The following GDPD1 variants were observed in gnomAD, a reference collection of about 807,000 sequenced individuals.
GDPD1 encodes lysophospholipase D GDPD1.
A neutral mutation model predicts 45.1 loss-of-function variants in GDPD1; 28 were observed. That is an observed-to-expected ratio of 0.62 (90% confidence interval 0.46 to 0.85). GDPD1 has a LOEUF of 0.85. Ranked by LOEUF, GDPD1 falls within the 40% of genes least tolerant of loss-of-function variation. The probability of loss-of-function intolerance (pLI) is 0.00; values close to 1 mark genes in which losing one functional copy is unlikely to be tolerated. For missense variants in GDPD1, 256 were observed against 364.8 expected (o/e 0.70, Z 2.43); for synonymous variants, 139 against 131.4 (o/e 1.06, Z -0.40).
At chr17:59,246,175 G>T (rs1298561145) in intron 3 of GDPD1, among the ~76,000 whole-genome samples, 1 of 152,010 alleles carries the variant, frequency 6.6e-6, no homozygotes, top group Admixed American at 6.6e-5. Context: ...CTCATGAACG[G>T]AAGGAAAAAT....
chr17:59,261,913 C>CTTTTTT lies in GDPD1; in HGVS notation c.576+4090_576+4095dup, dbSNP rs58058526. On this transcript the variant is annotated intron_variant, in intron 6 of 9. Transcript: ENST00000284116. ...TTTCCCAAAGTGCTGAGATTACAGG[C>CTTTTTT]TTTTTTTTTTTTTTTTTTTTTTGAG... Among the ~76,000 whole-genome samples the CTTTTTT allele has an allele frequency of 5.9e-4, 47 of 79,330 alleles. 7 individuals carry two copies. Among genetic ancestry groups the CTTTTTT allele is most frequent in the African/African-American group, 2.2e-3 (35 of 15,694 alleles). 52.0% of individuals were successfully genotyped at this position (79,330 alleles called of 152,430 possible).
In GDPD1 at chr17:59,255,525, G is replaced by A. The variant is rs899814252; in HGVS notation, c.368-1597G>A. On this transcript the variant is annotated intron_variant, in intron 4 of 9. Coordinates refer to ENST00000284116, the MANE Select transcript of GDPD1 (RefSeq NM_182569.4). ...GGGAGGCCAAGGCTGGTGGATCACC[G>A]AACGCCAGGAGTTTGAGACCATCCT... 8.7e-5 allele frequency among the ~76,000 whole-genome samples: 13 copies of A among 149,134 alleles called. No homozygotes were observed. The East Asian group carries it at 2.0e-3, about 23-fold the overall frequency.
chr17:59,235,183 T>C (rs115593848), intron 2 of GDPD1, among the ~76,000 whole-genome samples: 3,650 of 152,134 alleles, frequency 0.024, 148 homozygotes, highest in African/African-American at 0.084. Flanking sequence ...GCAAAGGATG[T>C]GAAAAGTTAA....
intron 4 of GDPD1, among the ~76,000 whole-genome samples, chr17:59,256,091 G>C (rs530204613): frequency 1.3e-5 from 2 of 151,546 alleles, no homozygotes; most frequent in East Asian, 3.9e-4. Context: ...GGCCGAGGCG[G>C]GCAGATCACT....
At chr17:59,265,489 A>G (rs1382998970) in intron 6 of GDPD1, among the ~76,000 whole-genome samples, 3 of 151,956 alleles carry the variant, frequency 2.0e-5, no homozygotes, top group Non-Finnish European at 2.9e-5. Flanking sequence ...ATGAGCCATG[A>G]TCCAGCCACT....
In GDPD1 at chr17:59,275,136, C is replaced by T. The variant is rs1291732635; in HGVS notation, c.*1363C>T. On this transcript the variant is annotated 3_prime_UTR_variant, in exon 10 of 10. Coordinates refer to ENST00000284116, the MANE Select transcript of GDPD1 (RefSeq NM_182569.4). ...GGATTACAGGTTTGAACCACTGCAC[C>T]CGGCCAGTAAAAGAAATTTTGAAGG... 2.6e-6 allele frequency: 4 copies of T among 1,535,748 alleles called. No homozygotes were observed. The East Asian group carries it at 9.8e-5, about 38-fold the overall frequency.
At chr17:59,225,296 G>GT (rs1353679276) in intron 1 of GDPD1, among the ~76,000 whole-genome samples, 2 of 151,380 alleles carry the variant, frequency 1.3e-5, no homozygotes, top group African/African-American at 2.4e-5. Flanking sequence ...GTAGAGATGG[G>GT]TTTTTGCCAT....
At chr17:59,233,565 G>A (rs1310016432) in intron 1 of GDPD1, among the ~76,000 whole-genome samples, 2 of 152,010 alleles carry the variant, frequency 1.3e-5, no homozygotes, top group Admixed American at 6.6e-5. Flanking sequence ...TGAGACAGGT[G>A]GAGACTAAAC....
At chr17:59,266,076 G>T (rs1025039318) in intron 6 of GDPD1, among the ~76,000 whole-genome samples, 4 of 151,548 alleles carry the variant, frequency 2.6e-5, no homozygotes, top group Non-Finnish European at 5.9e-5. Flanking sequence ...TGAGAAAATA[G>T]ATTTAAAAAA....
chr17:59,263,302 G>T (rs993747003), intron 6 of GDPD1, among the ~76,000 whole-genome samples: 1 of 151,998 alleles, frequency 6.6e-6, no homozygotes, highest in Non-Finnish European at 1.5e-5. Context: ...AAAGTGCTGA[G>T]ATTAAGTCTA....
intron 3 of GDPD1, 22 bp from the exon 4 acceptor site, chr17:59,248,718 T>G: frequency 3.9e-6 from 6 of 1,556,988 alleles, no homozygotes; most frequent in Non-Finnish European, 5.2e-6. Context: ...TTAACTTTTT[T>G]TTCAATCATA....
At chr17:59,245,657 T>C in intron 3 of GDPD1, 108 bp downstream of exon 3, 1 of 799,442 alleles carries the variant, frequency 1.3e-6, no homozygotes, top group Non-Finnish European at 1.9e-6. Context: ...ATTTAAATAC[T>C]GATTAAATAC....
At chr17:59,248,977 T>C (rs867133226) in intron 4 of GDPD1, 192 bp downstream of exon 4, 3 of 438,410 alleles carry the variant, frequency 6.8e-6, no homozygotes, top group Middle Eastern at 4.3e-4. Flanking sequence ...TCTGCTTAAA[T>C]TCATGTACAG....
chr17:59,269,699 T>G (rs913177623), intron 7 of GDPD1, among the ~76,000 whole-genome samples: 2 of 151,954 alleles, frequency 1.3e-5, no homozygotes, highest in Admixed American at 6.6e-5. Flanking sequence ...GGCGCACATC[T>G]GTAATCCCAG....
intron 6 of GDPD1, among the ~76,000 whole-genome samples, chr17:59,259,566 CAAAAAAAAAAAA>C (rs71367681): frequency 3.6e-4 from 9 of 24,852 alleles, no homozygotes; most frequent in African/African-American, 1.1e-3. Flanking sequence ...GACTCTGTCT[CAAAAAAAAAAAA>C]AAAAAAAAAA....
chr17:59,231,456 A>G (rs2047089557), intron 1 of GDPD1, among the ~76,000 whole-genome samples: 2 of 149,664 alleles, frequency 1.3e-5, no homozygotes. Context: ...CCTCCCGAGT[A>G]GCTGGGACTA....
chr17:59,256,602 A>G (rs2047311176), intron 4 of GDPD1, among the ~76,000 whole-genome samples: 1 of 152,208 alleles, frequency 6.6e-6, no homozygotes, highest in African/African-American at 2.4e-5. Flanking sequence ...AAATTATTGT[A>G]TAGCTACTCA....
chr17:59,241,449 C>A (rs768605273), intron 2 of GDPD1, among the ~76,000 whole-genome samples: 1 of 152,148 alleles, frequency 6.6e-6, no homozygotes, highest in Non-Finnish European at 1.5e-5. Flanking sequence ...TCCCGAGTAG[C>A]TGAGATTACA....
Position 59,234,553 on chromosome 17 carries a change from TA to T in GDPD1, c.185+23del. The T allele has an allele frequency of 6.4e-7, 1 of 1,557,190 alleles. No individual in the cohort carries two copies. The highest frequency in any genetic ancestry group is 8.8e-7 in the Non-Finnish European group (1 of 1,130,634). ...TTCAGCAGTAAGTATGTAAAAAAGG[TA>T]AAAGGTACTCTTTTCTTTTACAGTT... On this transcript the variant is annotated intron_variant, in intron 2 of 9. Transcript: ENST00000284116.
Sources: gnomAD v4.1 joint callset for allele counts (sites outside exome capture counted in the v4.1 genomes callset) on GRCh38, gnomAD v4.1.1 for gene constraint, MANE v1.5 for transcripts, NCBI Gene and HGNC (gene_info 2026-07-23, HGNC 2026-07-21) for gene names.